The following STIP1 variants were observed in gnomAD, a reference collection of about 807,000 sequenced individuals.
The protein encoded by STIP1 is stress-induced-phosphoprotein 1.
A neutral mutation model predicts 77.4 loss-of-function variants in STIP1; 16 were observed. The ratio of observed to expected loss-of-function variants is 0.21; its 90% CI spans 0.14 to 0.31. STIP1 has a LOEUF of 0.31. Among genes scored for constraint, STIP1 ranks in the 10% least tolerant of loss-of-function variants. STIP1 has a pLI of 1.00. For synonymous variants in STIP1, 258 were observed against 246.6 expected, an observed-to-expected ratio of 1.05 and a Z score of -0.44; for missense variants, 524 against 684.8, an observed-to-expected ratio of 0.77 and a Z score of 2.62.
rs1043673220 is a variant in STIP1, at chr11:64,195,670, A to T, written c.529A>T (p.Thr177Ser). ...GAAACTACAAGATCCCCGGATCATG[A>T]CCACTCTCAGCGTCCTCCTTGGGGT... ...GTKLQDPRIM[T>S]TLSVLLGVDL... The change falls in exon 5 of 14, where the codon ACC (threonine) becomes TCC (serine). Residue 177 changes from threonine to serine, a missense_variant. Physicochemically the swap from Thr to Ser is moderately conservative, Grantham distance 58. Coordinates refer to ENST00000305218, the MANE Select transcript of STIP1 (RefSeq NM_006819.3). 2.5e-6 allele frequency: 4 copies of T among 1,613,038 alleles called. No individual in the cohort carries two copies. Among genetic ancestry groups the T allele is most frequent in the Non-Finnish European group, 2.5e-6 (3 of 1,179,688 alleles).
intron 1 of STIP1, among the ~76,000 whole-genome samples, chr11:64,190,507 G>C (rs1946080617): frequency 6.6e-6 from 1 of 152,078 alleles, no homozygotes; most frequent in South Asian, 2.1e-4. Flanking sequence ...TAGAGACGGG[G>C]TTTCACCATG....
rs758614544 is a variant in STIP1 at position 64,203,471 on chromosome 11, C to T, written c.1408C>T (p.Arg470Cys). 7 of 1,613,904 alleles carry T rather than the reference C, an allele frequency of 4.3e-6. No individual in the cohort carries two copies. The highest frequency in any genetic ancestry group is 5.9e-6 in the Non-Finnish European group (7 of 1,179,996). Reference protein sequence around the residue: ...SCKEAADGYQRCMMAQYNRHD... With the variant: ...SCKEAADGYQCCMMAQYNRHD... ...GCAGGAGGCGGCAGACGGCTACCAG[C>T]GCTGTATGATGGCGCAGTACAACCG... The change falls in exon 13 of 14, where the codon CGC becomes TGC. Residue 470 changes from arginine (R) to cysteine (C), a missense_variant. Coordinates refer to ENST00000305218, the MANE Select transcript of STIP1 (RefSeq NM_006819.3).
At chr11:64,199,906 TTTAAA>T in intron 8 of STIP1, 29 bp from the exon 9 acceptor site, 2 of 1,612,006 alleles carry the variant, frequency 1.2e-6, no homozygotes, top group African/African-American at 2.7e-5. Context: ...ATTATGAGCG[TTTAAA>T]TTATTATTTC....
upstream of STIP1, chr11:64,185,721 C>T: frequency 6.9e-7 from 1 of 1,450,608 alleles, no homozygotes; most frequent in Non-Finnish European, 9.2e-7. Flanking sequence ...AGGGGCGGGG[C>T]GAAACCCGGC....
intron 1 of STIP1, among the ~76,000 whole-genome samples, chr11:64,190,726 T>G (rs1317039207): frequency 6.6e-6 from 1 of 152,220 alleles, no homozygotes; most frequent in Non-Finnish European, 1.5e-5. Flanking sequence ...AAAAGTGTAT[T>G]TTGGCCTGGT....
chr11:64,197,778 C>T, intron 7 of STIP1, 76 bp from the exon 8 acceptor site: 1 of 1,581,314 alleles, frequency 6.3e-7, no homozygotes, highest in Non-Finnish European at 8.6e-7. Context: ...GCCTTTCTAG[C>T]TGCAGGTGTG....
intron 1 of STIP1, 30 bp from the exon 2 acceptor site, chr11:64,193,048 T>C (rs761906546): frequency 6.9e-5 from 111 of 1,609,070 alleles, no homozygotes; most frequent in Non-Finnish European, 9.0e-5. Flanking sequence ...GGGCACATCA[T>C]AGAGAAGCTG....
chr11:64,200,774 G>T (rs1358590767), intron 10 of STIP1, among the ~76,000 whole-genome samples: 2 of 151,944 alleles, frequency 1.3e-5, no homozygotes, highest in Non-Finnish European at 2.9e-5. Flanking sequence ...TTAAGAAGTG[G>T]AATTGCTGGG....
chr11:64,186,078 AC>A, upstream of STIP1: 1 of 1,548,390 alleles, frequency 6.5e-7, no homozygotes, highest in Non-Finnish European at 8.7e-7. Flanking sequence ...GATGGGCTGG[AC>A]CTCAAGCCAA....
chr11:64,185,867 A>G (rs1311627428), upstream of STIP1: 3 of 1,536,062 alleles, frequency 2.0e-6, no homozygotes. Flanking sequence ...AATTTCCAGA[A>G]CGATCAGAAC....
At chr11:64,197,105 C>A in intron 5 of STIP1, 166 bp from the exon 6 acceptor site, 2 of 837,240 alleles carry the variant, frequency 2.4e-6, no homozygotes, top group Non-Finnish European at 3.7e-6. Flanking sequence ...TTCATTCTAA[C>A]GGCTGATACT....
At chr11:64,186,550 G>A (rs1351276244) in intron 1 of STIP1, 5 of 267,268 alleles carry the variant, frequency 1.9e-5, no homozygotes, top group East Asian at 7.0e-5. Context: ...GGGAAGAGGG[G>A]TCGCGACCGG....
At chr11:64,193,367 C>T (rs1946113859) in intron 2 of STIP1, 80 bp downstream of exon 2, 5 of 1,297,062 alleles carry the variant, frequency 3.9e-6, no homozygotes, top group Non-Finnish European at 5.5e-6. Flanking sequence ...GTTTACCTGT[C>T]CTGATACACT....
chr11:64,190,086 C>T (rs138796213), intron 1 of STIP1, among the ~76,000 whole-genome samples: 55 of 151,966 alleles, frequency 3.6e-4, no homozygotes, highest in South Asian at 8.3e-4. Flanking sequence ...CTGCAGCCTC[C>T]GACTCCCAGG....
At chr11:64,190,133 T>G (rs1482927908) in intron 1 of STIP1, among the ~76,000 whole-genome samples, 1 of 152,078 alleles carries the variant, frequency 6.6e-6, no homozygotes, top group Non-Finnish European at 1.5e-5. Context: ...GCTGAGTAGC[T>G]GGGACTACAG....
intron 1 of STIP1, among the ~76,000 whole-genome samples, chr11:64,192,771 G>A (rs376610077): frequency 1.9e-3 from 292 of 152,338 alleles, no homozygotes; most frequent in Non-Finnish European, 2.9e-3. Flanking sequence ...CATGGAAGGA[G>A]CATGTGGCAC....
Position 64,194,236 on chromosome 11 carries a change from A to G in STIP1, c.267A>G (p.Glu89=), listed in dbSNP as rs1350386719. ...AAALEFLNRF[E]EAKRTYEEGL... ...CTCTAGAGTTCTTAAACCGCTTTGA[A>G]GAAGCCAAGCGAACCTATGAGGAGG... The change falls in exon 3 of 14, where the codon GAA becomes GAG. Residue 89 remains glutamate, a synonymous_variant. Transcript: ENST00000305218. 6.2e-7 allele frequency: 1 copy of G among 1,614,218 alleles called. No homozygotes were observed. Among genetic ancestry groups the G allele is most frequent in the Admixed American group, 1.7e-5 (1 of 60,022 alleles).
intron 8 of STIP1, among the ~76,000 whole-genome samples, chr11:64,198,753 G>GTTTTTTTTTTTTTTTTTTTTTTTTTGTTT (rs371481270): frequency 1.8e-5 from 2 of 111,060 alleles, no homozygotes; most frequent in Non-Finnish European, 3.6e-5. Flanking sequence ...TTTTTTTGTG[G>GTTTTTTTTTTTTTTTTTTTTTTTTTGTTT]TTTTTTTTTT....
At chr11:64,185,647 G>C (rs969468322), upstream of STIP1, 21 of 826,564 alleles carry the variant, frequency 2.5e-5, no homozygotes, top group South Asian at 1.7e-4. Context: ...AAGCAACCCA[G>C]AGGCCCCGCA....
Sources: gnomAD v4.1 joint callset for allele counts (sites outside exome capture counted in the v4.1 genomes callset) on GRCh38, gnomAD v4.1.1 for gene constraint, MANE v1.5 for transcripts, NCBI Gene and HGNC (gene_info 2026-07-23, HGNC 2026-07-21) for gene names.